DEPDC1B: variants seen among roughly 807,000 people sequenced by gnomAD.
DEPDC1B encodes the protein DEP domain-containing protein 1B.
DEPDC1B carries 51 observed loss-of-function variants against 66.5 expected under a neutral mutation model. That is an observed-to-expected ratio of 0.77 (90% CI 0.61 to 0.97). The LOEUF (loss-of-function observed/expected upper bound fraction) is 0.97. Ranked by LOEUF, DEPDC1B falls within the 50% of genes least tolerant of loss-of-function variation. The pLI is 0.00. For synonymous variants in DEPDC1B, 226 were observed against 223.6 expected, an observed-to-expected ratio of 1.01 and a Z score of -0.10; for missense variants, 552 against 637.1, an observed-to-expected ratio of 0.87 and a Z score of 1.44.
intron 2 of DEPDC1B, among the ~76,000 whole-genome samples, chr5:60,650,817 C>G (rs1434146617): frequency 6.6e-6 from 1 of 152,200 alleles, no homozygotes; most frequent in Non-Finnish European, 1.5e-5. Context: ...CTTGCCACTA[C>G]TGTATCAAGA....
intron 2 of DEPDC1B, among the ~76,000 whole-genome samples, chr5:60,658,247 G>A (rs1327917113): frequency 2.0e-5 from 3 of 152,118 alleles, no homozygotes; most frequent in Non-Finnish European, 4.4e-5. Flanking sequence ...TTTCTCTGGT[G>A]ACTCCTTGAG....
At chr5:60,672,486 T>C (rs1252284174) in intron 2 of DEPDC1B, among the ~76,000 whole-genome samples, 1 of 152,128 alleles carries the variant, frequency 6.6e-6, no homozygotes, top group Non-Finnish European at 1.5e-5. Flanking sequence ...GCCACACTTT[T>C]AAACCATCAG....
intron 1 of DEPDC1B, among the ~76,000 whole-genome samples, chr5:60,692,772 CATA>C (rs1169905964): frequency 6.6e-6 from 1 of 152,064 alleles, no homozygotes; most frequent in South Asian, 2.1e-4. Flanking sequence ...TGTCCATCAA[CATA>C]ATAAGTTATA....
Position 60,665,314 on chromosome 5 carries a change from A to G in DEPDC1B, c.315-17781T>C, listed in dbSNP as rs115769219. Among the ~76,000 whole-genome samples the G allele has an allele frequency of 7.4e-3, 1,133 of 152,316 alleles. 8 individuals are homozygous for G. Among genetic ancestry groups the G allele is most frequent in the Middle Eastern group, 0.014 (4 of 294 alleles). ...ATATGGCCAAATCATTATTTATTGG[A>G]CCAGGCCTTTTCAAAACTATGAAGC... On this transcript the variant is annotated intron_variant, in intron 2 of 10. Coordinates refer to ENST00000265036, the MANE Select transcript of DEPDC1B (RefSeq NM_018369.3).
At chr5:60,654,334 A>T (rs1753526428) in intron 2 of DEPDC1B, among the ~76,000 whole-genome samples, 1 of 145,792 alleles carries the variant, frequency 6.9e-6, no homozygotes, top group Non-Finnish European at 1.5e-5. Flanking sequence ...TTGATTAGGT[A>T]TATTCCCTAA....
rs1752610691 is a variant in DEPDC1B, at chr5:60,618,228, C to CT, written c.899-12373dup. On this transcript the variant is annotated intron_variant, in intron 7 of 10. Transcript: ENST00000265036. Reference sequence around the variant, plus strand: ...CACCCTAACATCACAATTAAAAGAACTAGAGAAGCAAGAGCAAACACATTC... The same window carrying CT: ...CACCCTAACATCACAATTAAAAGAACTTAGAGAAGCAAGAGCAAACACATTC... Among the ~76,000 whole-genome samples, 6 of 152,050 alleles carry CT rather than the reference C, an allele frequency of 3.9e-5. 1 individual carries two copies.
At chr5:60,643,599 T>C (rs1020724604) in intron 5 of DEPDC1B, among the ~76,000 whole-genome samples, 1 of 152,252 alleles carries the variant, frequency 6.6e-6, no homozygotes, top group Admixed American at 6.5e-5. Context: ...AATGCTCTCT[T>C]CTTTCTTAAG....
At chr5:60,654,083 T>C (rs993194825) in intron 2 of DEPDC1B, among the ~76,000 whole-genome samples, 1 of 149,344 alleles carries the variant, frequency 6.7e-6, no homozygotes, top group Non-Finnish European at 1.5e-5. Context: ...GCTTTGGCTA[T>C]GTGGGCTCTT....
chr5:60,661,079 C>T (rs1325612850), intron 2 of DEPDC1B, among the ~76,000 whole-genome samples: 1 of 152,170 alleles, frequency 6.6e-6, no homozygotes, highest in African/African-American at 2.4e-5. Flanking sequence ...AAAAGGTTAC[C>T]TACACCCTCT....
At chr5:60,645,662 T>A in intron 3 of DEPDC1B, 43 bp from the exon 4 acceptor site, 1 of 1,561,208 alleles carries the variant, frequency 6.4e-7, no homozygotes, top group Non-Finnish European at 8.7e-7. Flanking sequence ...GGAGAAACGG[T>A]AGAAAGACAG....
intron 2 of DEPDC1B, 33 bp from the exon 3 acceptor site, chr5:60,647,566 A>C: frequency 6.2e-7 from 1 of 1,601,140 alleles, no homozygotes; most frequent in Non-Finnish European, 8.5e-7. Context: ...CTATTACTGC[A>C]GTCAGTGGGA....
chr5:60,685,117 ACT>A (rs1321115148), intron 2 of DEPDC1B, among the ~76,000 whole-genome samples: 2 of 152,138 alleles, frequency 1.3e-5, no homozygotes, highest in African/African-American at 4.8e-5. Context: ...TGGCAGTAGT[ACT>A]CTTTGCCCAA....
intron 7 of DEPDC1B, among the ~76,000 whole-genome samples, chr5:60,615,250 C>T (rs953702633): frequency 6.6e-6 from 1 of 152,134 alleles, no homozygotes; most frequent in African/African-American, 2.4e-5. Flanking sequence ...TTCTGCATTT[C>T]CAACTGACAT....
intron 2 of DEPDC1B, among the ~76,000 whole-genome samples, chr5:60,677,718 T>C (rs1170464422): frequency 6.6e-6 from 1 of 152,088 alleles, no homozygotes; most frequent in Non-Finnish European, 1.5e-5. Context: ...TTTTAACTTT[T>C]TGTAAAGACA....
chr5:60,644,732 T>G lies in DEPDC1B; in HGVS notation c.709+13A>C. The G allele has an allele frequency of 1.3e-6, 2 of 1,581,212 alleles. No individual in the cohort carries two copies. The highest frequency in any genetic ancestry group is 1.7e-6 in the Non-Finnish European group (2 of 1,165,764). On this transcript the variant is annotated intron_variant, in intron 5 of 10. Coordinates refer to ENST00000265036, the MANE Select transcript of DEPDC1B (RefSeq NM_018369.3). ...TATGTCAATAAGTAACAAAATTATA[T>G]TTATGCACTTACTTGACTTGTCATC...
chr5:60,619,737 G>T (rs1191591298), intron 7 of DEPDC1B, among the ~76,000 whole-genome samples: 1 of 152,172 alleles, frequency 6.6e-6, no homozygotes, highest in South Asian at 2.1e-4. Context: ...TAGATTCAAT[G>T]CCATCCCCAT....
intron 7 of DEPDC1B, among the ~76,000 whole-genome samples, chr5:60,617,665 G>T (rs148992818): frequency 2.0e-5 from 3 of 152,200 alleles, no homozygotes; most frequent in Admixed American, 6.5e-5. Context: ...ACTAAGAGAC[G>T]TAGACTCCCA....
At chr5:60,669,278 A>G (rs1375563973) in intron 2 of DEPDC1B, among the ~76,000 whole-genome samples, 1 of 152,226 alleles carries the variant, frequency 6.6e-6, no homozygotes, top group Non-Finnish European at 1.5e-5. Context: ...AGCTCTCTCA[A>G]TGATTTAAAG....
chr5:60,648,155 CCT>C (rs1245530328), intron 2 of DEPDC1B: 1 of 152,138 alleles, frequency 6.6e-6, no homozygotes, highest in African/African-American at 2.4e-5. Context: ...CTTTGTCTTT[CCT>C]CTGTTTGCCT....
Sources: gnomAD v4.1 joint callset for allele counts (sites outside exome capture counted in the v4.1 genomes callset) on GRCh38, gnomAD v4.1.1 for gene constraint, MANE v1.5 for transcripts, NCBI Gene and HGNC (gene_info 2026-07-23, HGNC 2026-07-21) for gene names.